C1GALT1: variants seen among roughly 807,000 people sequenced by gnomAD.
The protein encoded by C1GALT1 is glycoprotein-N-acetylgalactosamine 3-beta-galactosyltransferase 1.
In C1GALT1, 11 loss-of-function variants were observed where a neutral mutation model predicts 31.0. The observed-to-expected ratio is 0.36, with a 90% CI of 0.22 to 0.59. The LOEUF (loss-of-function observed/expected upper bound fraction) is 0.59, where lower values mean the gene tolerates loss of function less well. Among genes scored for constraint, C1GALT1 ranks in the 20% least tolerant of loss-of-function variants. C1GALT1 has a pLI of 0.79. For synonymous variants in C1GALT1, 175 were observed against 143.6 expected (o/e 1.22, Z -1.56); for missense variants, 424 against 425.2 (o/e 1.00, Z 0.03).
At chr7:7,178,154 G>A (rs58312319), upstream of C1GALT1, 27,411 of 204,066 alleles carry the variant, frequency 0.13, 2,330 homozygotes, top group Non-Finnish European at 0.19. Flanking sequence ...GGCTTTGAGA[G>A]AATTTAGATC....
At chr7:7,219,131 C>G (rs1782392136) in intron 1 of C1GALT1, among the ~76,000 whole-genome samples, 1 of 152,158 alleles carries the variant, frequency 6.6e-6, no homozygotes, top group Non-Finnish European at 1.5e-5. Context: ...AGCCACTGCG[C>G]CTGGCATGGA....
chr7:7,229,415 ATTAAGAG>A (rs1452797411), intron 1 of C1GALT1, among the ~76,000 whole-genome samples: 1 of 152,168 alleles, frequency 6.6e-6, no homozygotes, highest in African/African-American at 2.4e-5. Flanking sequence ...TCCATAAGAA[ATTAAGAG>A]TTAAAACATC....
At chr7:7,188,986 T>C (rs1033933220) in intron 1 of C1GALT1, among the ~76,000 whole-genome samples, 14 of 152,186 alleles carry the variant, frequency 9.2e-5, no homozygotes, top group Admixed American at 8.5e-4. Flanking sequence ...AATTTACTCT[T>C]TTCTGTCTAT....
At chr7:7,162,160 A>C (rs1446005804) in intron 2 of C1GALT1, among the ~76,000 whole-genome samples, 4 of 150,220 alleles carry the variant, frequency 2.7e-5, no homozygotes, top group African/African-American at 9.8e-5. Context: ...ACATGTGCAC[A>C]ATGTGCAGGT....
intron 1 of C1GALT1, among the ~76,000 whole-genome samples, chr7:7,216,751 C>T (rs937036551): frequency 3.9e-5 from 6 of 152,122 alleles, no homozygotes; most frequent in Admixed American, 6.5e-5. Context: ...GGGACAATAT[C>T]GGGACTAAAA....
chr7:7,186,074 G>T (rs1298733909), intron 1 of C1GALT1, among the ~76,000 whole-genome samples: 1 of 152,140 alleles, frequency 6.6e-6, no homozygotes, highest in Admixed American at 6.5e-5. Flanking sequence ...TGCTGGTAGG[G>T]ACTCTGCAGA....
Position 7,247,044 on chromosome 7 carries a change from T to C in C1GALT1, c.*3317T>C, listed in dbSNP as rs1380394085. On this transcript the variant is annotated 3_prime_UTR_variant, in exon 4 of 4. Transcript: ENST00000436587. The stretch of plus-strand genomic sequence containing the variant: ...TCATTAAGTACTAATAAGTACATAA[T>C]TTATTAAAAACATACATAAGTGTCA... 1.3e-5 allele frequency: 2 copies of C among 152,204 alleles called. No homozygotes were observed. Among genetic ancestry groups the C allele is most frequent in the South Asian group, 4.1e-4 (2 of 4,830 alleles). The allele number at this position is 152,204 out of a possible 1,614,324, so 9.4% of individuals were successfully genotyped here.
intron 1 of C1GALT1, among the ~76,000 whole-genome samples, chr7:7,214,308 A>G (rs1782133909): frequency 6.6e-6 from 1 of 152,164 alleles, no homozygotes; most frequent in Non-Finnish European, 1.5e-5. Flanking sequence ...AAGGAGTTCC[A>G]TGCTACCAGA....
At chr7:7,194,514 C>T (rs1781204777) in intron 1 of C1GALT1, among the ~76,000 whole-genome samples, 1 of 151,584 alleles carries the variant, frequency 6.6e-6, no homozygotes, top group Non-Finnish European at 1.5e-5. Context: ...GCACGCCTGG[C>T]ATGAAACCCA....
rs1369858065 is a variant in C1GALT1 at position 7,238,624 on chromosome 7, G to T, written c.590G>T (p.Arg197Ile). The T allele has an allele frequency of 1.2e-6, 2 of 1,614,096 alleles. No individual in the cohort carries two copies. Among genetic ancestry groups the T allele is most frequent in the East Asian group, 2.2e-5 (1 of 44,872 alleles). Residue 197 changes from arginine to isoleucine, a missense_variant, in exon 3 of 4, where the codon AGA becomes ATA. Around this residue, in one of 3 missense-constraint regions of C1GALT1, gnomAD observed 44 missense variants for 78.3 expected, o/e 0.56. Coordinates refer to ENST00000436587, the MANE Select transcript of C1GALT1 (RefSeq NM_020156.5). The surrounding 1 kb of genome is among the most constrained non-coding windows in gnomAD (Gnocchi z 5.2). ...DPEEPIYFGRRFKPYVKQGYM... is the reference protein window; with the variant it reads ...DPEEPIYFGRIFKPYVKQGYM... ...GAAGAACCCATTTACTTTGGGAGAA[G>T]ATTTAAGCCTTATGTAAAGCAGGGC...
intron 1 of C1GALT1, among the ~76,000 whole-genome samples, chr7:7,209,958 A>G (rs148962559): frequency 0.037 from 5,650 of 152,224 alleles, 213 homozygotes; most frequent in African/African-American, 0.11. Flanking sequence ...GGGGGACACA[A>G]GGTGCTCAGT....
intron 1 of C1GALT1, 85 bp downstream of exon 1, chr7:7,182,905 G>A (rs535654463): frequency 2.1e-6 from 2 of 941,732 alleles, no homozygotes; most frequent in East Asian, 2.3e-4. Flanking sequence ...TGGTGGGGAA[G>A]CGTGGAGGAT....
rs181838739 is a variant in C1GALT1 at position 7,213,674 on chromosome 7, A to G, written c.-17-20629A>G. 5.3e-5 allele frequency among the ~76,000 whole-genome samples: 8 copies of G among 152,248 alleles called. No individual in the cohort carries two copies. In the South Asian group the frequency reaches 8.3e-4, roughly 16 times the overall value. ...GACATGAAAATTTTGTTTAAATCCA[A>G]ATTTTACCCTTGCACTAGTTTATTA... On this transcript the variant is annotated intron_variant, in intron 1 of 3. Coordinates refer to ENST00000436587, the MANE Select transcript of C1GALT1 (RefSeq NM_020156.5).
intron 1 of C1GALT1, among the ~76,000 whole-genome samples, chr7:7,224,134 C>G (rs1782641283): frequency 6.6e-6 from 1 of 152,078 alleles, no homozygotes; most frequent in Non-Finnish European, 1.5e-5. Context: ...TTACATAATG[C>G]TGAATTCTAT....
At chr7:7,203,185 T>G (rs1237243458) in intron 1 of C1GALT1, among the ~76,000 whole-genome samples, 1 of 151,902 alleles carries the variant, frequency 6.6e-6, no homozygotes, top group Admixed American at 6.6e-5. Flanking sequence ...CCAGTTTGGT[T>G]GTCTTTTGTT....
intron 1 of C1GALT1, among the ~76,000 whole-genome samples, chr7:7,225,889 G>A (rs546310993): frequency 3.3e-5 from 5 of 152,248 alleles, no homozygotes; most frequent in African/African-American, 9.6e-5. Flanking sequence ...AGAGAGAAAG[G>A]GAAAGGATAT....
chr7:7,201,346 C>T (rs548671598), intron 1 of C1GALT1, among the ~76,000 whole-genome samples: 78 of 152,170 alleles, frequency 5.1e-4, no homozygotes, highest in Non-Finnish European at 8.4e-4. Flanking sequence ...GATGTTGCTA[C>T]CCGATCTTTC....
At chr7:7,236,894 A>G (rs894337726) in intron 2 of C1GALT1, among the ~76,000 whole-genome samples, 1 of 152,162 alleles carries the variant, frequency 6.6e-6, no homozygotes, top group African/African-American at 2.4e-5. Flanking sequence ...TAACTAGTAT[A>G]TTATATGCCT....
chr7:7,224,047 G>C (rs1320309442), intron 1 of C1GALT1, among the ~76,000 whole-genome samples: 1 of 152,032 alleles, frequency 6.6e-6, no homozygotes, highest in Non-Finnish European at 1.5e-5. Context: ...TTGGTTAATA[G>C]GATGAATCGT....
Sources: gnomAD v4.1 joint callset for allele counts (sites outside exome capture counted in the v4.1 genomes callset) on GRCh38, gnomAD v4.1.1 for gene constraint, gnomAD v4.1.1 regional missense constraint, Gnocchi (gnomAD v3.1) non-coding constraint, MANE v1.5 for transcripts, NCBI Gene and HGNC (gene_info 2026-07-23, HGNC 2026-07-21) for gene names.